The following SSH1 variants were observed in gnomAD, a reference collection of about 807,000 sequenced individuals.
SSH1 encodes slingshot protein phosphatase 1.
SSH1 carries 43 observed loss-of-function variants against 79.7 expected under a neutral mutation model. The ratio of observed to expected loss-of-function variants is 0.54; its 90% CI spans 0.42 to 0.70. SSH1 has a LOEUF of 0.70. SSH1 is among the 30% of genes least tolerant of loss of function. The pLI is 0.00. For missense variants in SSH1, 1,206 were observed against 1,358.8 expected, an observed-to-expected ratio of 0.89 and a Z score of 1.77; for synonymous variants, 599 against 538.3, an observed-to-expected ratio of 1.11 and a Z score of -1.56.
chr12:108,796,904 A>T (rs1335599496), intron 13 of SSH1, among the ~76,000 whole-genome samples: 1 of 151,848 alleles, frequency 6.6e-6, no homozygotes, highest in Non-Finnish European at 1.5e-5. Flanking sequence ...CACCACACCC[A>T]GCTAATTTTG....
intron 2 of SSH1, among the ~76,000 whole-genome samples, chr12:108,825,763 T>C (rs2038287042): frequency 6.6e-6 from 1 of 152,186 alleles, no homozygotes; most frequent in Non-Finnish European, 1.5e-5. Context: ...GCAGCCTTTC[T>C]TTGCTGTCTC....
chr12:108,807,505 G>A lies in SSH1; in HGVS notation c.731+128C>T. ...TAAACGCTGGTTCTGAGAAAGCTAG[G>A]GTTCTCACTCAAGGGACTCCAGGGG... On this transcript the variant is annotated intron_variant, in intron 8 of 14. Coordinates refer to ENST00000326495, the MANE Select transcript of SSH1 (RefSeq NM_018984.4). This position sits in a 1 kb window ranked among gnomAD's most constrained non-coding sequence, Gnocchi z 5.2. 2.5e-6 allele frequency: 2 copies of A among 807,914 alleles called. No homozygotes were observed. The highest frequency in any genetic ancestry group is 1.6e-5 in the South Asian group (1 of 63,798). The allele number at this position is 807,914 out of a possible 1,614,324, so 50.0% of individuals were successfully genotyped here.
intron 3 of SSH1, among the ~76,000 whole-genome samples, chr12:108,822,922 C>A (rs1453437107): frequency 6.6e-6 from 1 of 152,224 alleles, no homozygotes; most frequent in Non-Finnish European, 1.5e-5. Flanking sequence ...AAGTGGACGA[C>A]ATCTGGCTAT....
At chr12:108,791,250 C>G (rs897828643) in intron 14 of SSH1, among the ~76,000 whole-genome samples, 1 of 152,148 alleles carries the variant, frequency 6.6e-6, no homozygotes, top group Non-Finnish European at 1.5e-5. Context: ...GCTGGGATTA[C>G]AGGCATGCAC....
At chr12:108,846,586 A>C (rs2038903958) in intron 2 of SSH1, among the ~76,000 whole-genome samples, 1 of 152,276 alleles carries the variant, frequency 6.6e-6, no homozygotes, top group Non-Finnish European at 1.5e-5. Flanking sequence ...AATCATCTGC[A>C]TGCTGGGTGT....
chr12:108,820,035 T>C (rs2038057408), intron 3 of SSH1, among the ~76,000 whole-genome samples: 1 of 151,154 alleles, frequency 6.6e-6, no homozygotes, highest in South Asian at 2.1e-4. Context: ...ATGTTAAGCG[T>C]TCTTTCTTTT....
chr12:108,792,514 T>C lies in SSH1; in HGVS notation c.1665A>G (p.Arg555=). 7 of 1,614,194 alleles carry C rather than the reference T, an allele frequency of 4.3e-6. No homozygotes were observed. The highest frequency in any genetic ancestry group is 5.1e-6 in the Non-Finnish European group (6 of 1,180,030). ...AGAGTCCGGAACCTTGCTGGGGCTG[T>C]CTGGCCGGCCTGTGCACCTCTGCAG... ...APPAEVHRPA[R]QPQQGSGLCE... is the part of the protein sequence containing the mutation. The change falls in exon 14 of 15, where the codon AGA becomes AGG. Residue 555 remains arginine (R), a synonymous_variant. Transcript: ENST00000326495.
intron 2 of SSH1, among the ~76,000 whole-genome samples, chr12:108,836,509 TG>T (rs2038634888): frequency 6.6e-6 from 1 of 152,244 alleles, no homozygotes; most frequent in African/African-American, 2.4e-5. Flanking sequence ...GAAGCCAGCC[TG>T]GATGAGATCC....
intron 2 of SSH1, among the ~76,000 whole-genome samples, chr12:108,846,183 C>A (rs2137274775): frequency 6.6e-6 from 1 of 152,272 alleles, no homozygotes; most frequent in African/African-American, 2.4e-5. Flanking sequence ...ACAGAAGAGA[C>A]AAAATCCTGC....
intron 2 of SSH1, among the ~76,000 whole-genome samples, chr12:108,841,184 G>A (rs375066747): frequency 1.3e-5 from 2 of 152,212 alleles, no homozygotes; most frequent in Admixed American, 6.5e-5. Flanking sequence ...GTCTGACTCC[G>A]TCTCACAGCT....
chr12:108,803,549 T>G (rs954601493), intron 10 of SSH1, among the ~76,000 whole-genome samples: 4 of 152,178 alleles, frequency 2.6e-5, no homozygotes, highest in African/African-American at 9.7e-5. Flanking sequence ...TGTGCGACAC[T>G]AGCTGAATTT....
intron 2 of SSH1, among the ~76,000 whole-genome samples, chr12:108,835,876 A>C (rs1016536558): frequency 2.2e-5 from 3 of 134,556 alleles, no homozygotes; most frequent in Non-Finnish European, 4.8e-5. Flanking sequence ...TATACATATT[A>C]TATTAATTAA....
chr12:108,787,728 A>C lies in SSH1; in HGVS notation c.*260T>G. 5.6e-6 allele frequency: 3 copies of C among 535,358 alleles called. No individual in the cohort carries two copies. Among genetic ancestry groups the C allele is most frequent in the Non-Finnish European group, 1.0e-5 (3 of 297,472 alleles). The allele number at this position is 535,358 out of a possible 1,614,324, so 33.2% of individuals were successfully genotyped here. On this transcript the variant is annotated 3_prime_UTR_variant, in exon 15 of 15. Coordinates refer to ENST00000326495, the MANE Select transcript of SSH1 (RefSeq NM_018984.4). ...TCCTAAAACATGGTTCTTCTTGAAG[A>C]CACGGTGGGAGCGGAGTTTTGTGTC...
At chr12:108,836,167 C>G (rs746275684) in intron 2 of SSH1, among the ~76,000 whole-genome samples, 14 of 151,316 alleles carry the variant, frequency 9.3e-5, no homozygotes, top group African/African-American at 1.9e-4. Flanking sequence ...TATGGAGAGA[C>G]AAAACTAGAA....
At chr12:108,853,430 T>C (rs1009958851) in intron 1 of SSH1, 5 of 833,898 alleles carry the variant, frequency 6.0e-6, no homozygotes, top group Non-Finnish European at 7.2e-6. Flanking sequence ...GGACTTGGCA[T>C]GTTTTTTATG....
At position 108,787,659 on chromosome 12, in the gene SSH1, C is replaced by G. The variant is rs766034562; in HGVS notation, c.*329G>C. ...ACCACCAGGACTCTTCTGCAGGATG[C>G]GAAGGGAACAGTCTGGATGTGTGCG... On this transcript the variant is annotated 3_prime_UTR_variant, in exon 15 of 15. Transcript: ENST00000326495. 3.4e-5 allele frequency: 12 copies of G among 350,222 alleles called. No homozygotes were observed. The highest frequency in any genetic ancestry group is 3.2e-4 in the South Asian group (11 of 34,268). The allele number at this position is 350,222 out of a possible 1,614,324, so 21.7% of individuals were successfully genotyped here.
At chr12:108,817,877 G>A (rs1207644885) in intron 4 of SSH1, among the ~76,000 whole-genome samples, 1 of 152,048 alleles carries the variant, frequency 6.6e-6, no homozygotes, top group African/African-American at 2.4e-5. Flanking sequence ...ATTCACGAAT[G>A]GTTCCCCACC....
Position 108,792,559 on chromosome 12 carries a change from C to T in SSH1, c.1620G>A (p.Leu540=). 1 of 1,614,020 alleles carries T rather than the reference C, an allele frequency of 6.2e-7. No individual in the cohort carries two copies. The highest frequency in any genetic ancestry group is 8.5e-7 in the Non-Finnish European group (1 of 1,179,940). The change falls in exon 14 of 15, where the codon CTG becomes CTA. Residue 540 remains leucine, a synonymous_variant. Coordinates refer to ENST00000326495, the MANE Select transcript of SSH1 (RefSeq NM_018984.4). ...CTGCAGGTGGAGCAGCTTCCTCCAA[C>T]AGAGCCTCCCTCTCCGGATCCTCCA... ...VHLEDPEREA[L]LEEAAPPAEV...
At position 108,779,018 on chromosome 12, in the gene SSH1, G is replaced by T. The variant is rs865966966; in HGVS notation, c.*8970C>A. 1.3e-5 allele frequency: 2 copies of T among 152,082 alleles called. No individual in the cohort carries two copies. Among genetic ancestry groups the T allele is most frequent in the Admixed American group, 6.6e-5 (1 of 15,260 alleles). 9.4% of individuals were successfully genotyped at this position (152,082 alleles called of 1,614,324 possible). ...GGGGGTTCACCATGTTACCTGGGCT[G>T]GTCTTGAACTCCTGGGCTCAAGCAA... On this transcript the variant is annotated 3_prime_UTR_variant, in exon 15 of 15. Transcript: ENST00000326495.
Sources: allele counts gnomAD v4.1 joint callset (sites outside exome capture counted in the v4.1 genomes callset), GRCh38; gene constraint gnomAD v4.1.1; non-coding constraint Gnocchi (gnomAD v3.1); transcripts MANE v1.5; gene names NCBI Gene and HGNC (gene_info 2026-07-23, HGNC 2026-07-21).